SPON1: variants seen among roughly 807,000 people sequenced by gnomAD.
SPON1 encodes the protein spondin-1.
A neutral mutation model predicts 111.7 loss-of-function variants in SPON1; 52 were observed. The ratio of observed to expected loss-of-function variants is 0.47; its 90% confidence interval spans 0.37 to 0.59. The LOEUF is 0.59. Among genes scored for constraint, SPON1 ranks in the 20% least tolerant of loss-of-function variants. The pLI is 0.00. For missense variants in SPON1, 957 were observed against 1,068.5 expected (o/e 0.90, Z 1.46); for synonymous variants, 410 against 395.8 (o/e 1.04, Z -0.43).
intron 6 of SPON1, among the ~76,000 whole-genome samples, chr11:14,234,082 A>G (rs1848834990): frequency 1.3e-5 from 2 of 152,070 alleles, no homozygotes; most frequent in African/African-American, 4.8e-5. Flanking sequence ...CTTGAAGACT[A>G]CAGGATGTGT....
chr11:14,057,051 A>G (rs1848750498), intron 3 of SPON1, among the ~76,000 whole-genome samples: 2 of 152,120 alleles, frequency 1.3e-5, no homozygotes, highest in Admixed American at 1.3e-4. Context: ...AATAATATAA[A>G]TAAACACATA....
At chr11:14,082,015 A>G (rs1554922105) in intron 5 of SPON1, among the ~76,000 whole-genome samples, 1 of 152,028 alleles carries the variant, frequency 6.6e-6, no homozygotes, top group Non-Finnish European at 1.5e-5. Context: ...TGCCTGGGGG[A>G]AAGAAAACAT....
At chr11:14,141,609 G>C (rs1847657146) in intron 6 of SPON1, among the ~76,000 whole-genome samples, 1 of 152,134 alleles carries the variant, frequency 6.6e-6, no homozygotes, top group African/African-American at 2.4e-5. Context: ...CACACCGCCT[G>C]TGGCATGAGA....
At chr11:14,033,327 C>T (rs1554916274) in intron 2 of SPON1, among the ~76,000 whole-genome samples, 1 of 152,212 alleles carries the variant, frequency 6.6e-6, no homozygotes, top group South Asian at 2.1e-4. Context: ...ATCGTATTCT[C>T]CTAGATGTCT....
intron 6 of SPON1, among the ~76,000 whole-genome samples, chr11:14,240,822 C>T (rs1448319058): frequency 6.6e-6 from 1 of 152,150 alleles, no homozygotes; most frequent in East Asian, 1.9e-4. Flanking sequence ...GACAGTATCT[C>T]ATTACCAGGA....
intron 2 of SPON1, among the ~76,000 whole-genome samples, chr11:14,037,666 G>C (rs571375544): frequency 6.6e-6 from 1 of 152,144 alleles, no homozygotes; most frequent in Non-Finnish European, 1.5e-5. Flanking sequence ...GATGACATTG[G>C]ATATGGCAGT....
chr11:14,010,074 G>T (rs1343216385), intron 2 of SPON1, among the ~76,000 whole-genome samples: 2 of 152,140 alleles, frequency 1.3e-5, no homozygotes, highest in Non-Finnish European at 2.9e-5. Context: ...GGTATGCACT[G>T]CAGGAACAAA....
At chr11:14,134,095 G>A (rs1204656547) in intron 5 of SPON1, among the ~76,000 whole-genome samples, 3 of 151,540 alleles carry the variant, frequency 2.0e-5, no homozygotes, top group African/African-American at 4.9e-5. Context: ...GCAGTAATGG[G>A]GTGAAGAGTT....
At position 14,115,462 on chromosome 11, in the gene SPON1, A is replaced by G. The variant is rs557564131; in HGVS notation, c.677-19958A>G. On this transcript the variant is annotated intron_variant, in intron 5 of 15. Coordinates refer to ENST00000576479, the MANE Select transcript of SPON1 (RefSeq NM_006108.4). ...ACATCTTGACTTCTATCATAGATTA[A>G]TTTGGCCTGTTTTAAAACATTTTAT... Among the ~76,000 whole-genome samples the G allele has an allele frequency of 2.6e-4, 39 of 152,280 alleles. No individual in the cohort carries two copies. In the South Asian group the frequency reaches 8.1e-3, roughly 32 times the overall value.
chr11:14,028,292 G>A (rs1434448564), intron 2 of SPON1, among the ~76,000 whole-genome samples: 2 of 151,820 alleles, frequency 1.3e-5, no homozygotes, highest in East Asian at 3.9e-4. Flanking sequence ...GACCAACCTG[G>A]GCAACATAGA....
At chr11:14,169,260 A>G (rs1406392611) in intron 6 of SPON1, among the ~76,000 whole-genome samples, 2 of 152,114 alleles carry the variant, frequency 1.3e-5, no homozygotes, top group Non-Finnish European at 2.9e-5. Flanking sequence ...CAGTCATGAT[A>G]AGCATTTTTT....
chr11:14,210,452 G>T (rs1460475153), intron 6 of SPON1, among the ~76,000 whole-genome samples: 3 of 150,966 alleles, frequency 2.0e-5, no homozygotes, highest in African/African-American at 7.3e-5. Flanking sequence ...AAGCTGGAGT[G>T]CAGTGGCACA....
intron 5 of SPON1, among the ~76,000 whole-genome samples, chr11:14,125,280 T>C (rs1554926903): frequency 6.6e-6 from 1 of 152,240 alleles, no homozygotes; most frequent in Admixed American, 6.5e-5. Context: ...AAACAACTTT[T>C]ATGAATACAA....
chr11:14,235,951 T>G (rs543361603), intron 6 of SPON1, among the ~76,000 whole-genome samples: 1 of 152,020 alleles, frequency 6.6e-6, no homozygotes, highest in Non-Finnish European at 1.5e-5. Flanking sequence ...CTGGCATGTT[T>G]AAAGATACAT....
intron 5 of SPON1, among the ~76,000 whole-genome samples, chr11:14,104,263 T>C (rs2133845113): frequency 6.6e-6 from 1 of 152,226 alleles, no homozygotes; most frequent in South Asian, 2.1e-4. Flanking sequence ...CTTATACTTA[T>C]TTTAACCCTA....
intron 5 of SPON1, among the ~76,000 whole-genome samples, chr11:14,101,043 T>G (rs1026185586): frequency 6.6e-6 from 1 of 152,354 alleles, no homozygotes; most frequent in Middle Eastern, 3.4e-3. Flanking sequence ...TGTTTTTTGC[T>G]GTCTCTTTGA....
At chr11:14,265,461 G>C in intron 15 of SPON1, 63 bp from the exon 16 acceptor site, 1 of 1,527,840 alleles carries the variant, frequency 6.5e-7, no homozygotes, top group Non-Finnish European at 8.8e-7. Context: ...AGTTCTACTA[G>C]AGTTCAGCAT....
intron 2 of SPON1, among the ~76,000 whole-genome samples, chr11:13,989,129 G>C (rs1554910800): frequency 6.6e-6 from 1 of 152,186 alleles, no homozygotes; most frequent in Non-Finnish European, 1.5e-5. Context: ...AATGGTACCA[G>C]CTCCTCTTTG....
At chr11:14,029,675 C>T (rs970098195) in intron 2 of SPON1, among the ~76,000 whole-genome samples, 8 of 152,096 alleles carry the variant, frequency 5.3e-5, no homozygotes, top group East Asian at 1.9e-4. Flanking sequence ...CTCAGGTGGG[C>T]GTTATTCAGA....
Sources: allele counts gnomAD v4.1 joint callset (sites outside exome capture counted in the v4.1 genomes callset), GRCh38; gene constraint gnomAD v4.1.1; transcripts MANE v1.5; gene names NCBI Gene and HGNC (gene_info 2026-07-23, HGNC 2026-07-21).